Variants in TRAF3 observed in about 807,000 individuals in gnomAD.
The protein encoded by TRAF3 is TNF receptor-associated factor 3.
In TRAF3, 13 loss-of-function variants were observed where a neutral mutation model predicts 62.3. That is an observed-to-expected ratio of 0.21 (90% CI 0.14 to 0.33). The LOEUF (loss-of-function observed/expected upper bound fraction) is 0.33, where lower values mean the gene tolerates loss of function less well. Ranked by LOEUF, TRAF3 falls within the 10% of genes least tolerant of loss-of-function variation. The pLI is 1.00. For synonymous variants in TRAF3, 269 were observed against 283.4 expected, an observed-to-expected ratio of 0.95 and a Z score of 0.51; for missense variants, 440 against 741.8, an observed-to-expected ratio of 0.59 and a Z score of 4.73.
At chr14:102,817,706 G>A (rs569967746) in intron 1 of TRAF3, among the ~76,000 whole-genome samples, 30 of 152,344 alleles carry the variant, frequency 2.0e-4, no homozygotes, top group Non-Finnish European at 4.0e-4. Flanking sequence ...AATACAAAAT[G>A]TAATACTTCA....
intron 9 of TRAF3, among the ~76,000 whole-genome samples, chr14:102,896,723 A>T (rs1385741057): frequency 6.6e-6 from 1 of 152,176 alleles, no homozygotes; most frequent in African/African-American, 2.4e-5. Flanking sequence ...GCCTCACCCT[A>T]ATTACTGGAA....
chr14:102,853,795 G>C (rs897508329), intron 2 of TRAF3, among the ~76,000 whole-genome samples: 1 of 151,186 alleles, frequency 6.6e-6, no homozygotes, highest in Non-Finnish European at 1.5e-5. Flanking sequence ...CCGAGATTGC[G>C]GCACTGTACT....
intron 1 of TRAF3, among the ~76,000 whole-genome samples, chr14:102,822,915 A>C (rs1223604506): frequency 6.6e-6 from 1 of 151,936 alleles, no homozygotes; most frequent in Non-Finnish European, 1.5e-5. Flanking sequence ...CTGAGGCAGG[A>C]GAGTTGCTTG....
intron 5 of TRAF3, 101 bp downstream of exon 5, chr14:102,875,829 T>C: frequency 2.0e-6 from 2 of 1,016,480 alleles, no homozygotes; most frequent in South Asian, 2.6e-5. Flanking sequence ...TTTAAGACCA[T>C]GTTGACATTA....
intron 9 of TRAF3, among the ~76,000 whole-genome samples, chr14:102,895,891 G>A (rs1889982360): frequency 6.6e-6 from 1 of 152,134 alleles, no homozygotes; most frequent in South Asian, 2.1e-4. Flanking sequence ...GTATCCTCAG[G>A]CATCAGCTCT....
chr14:102,801,331 T>C (rs1357072008), intron 1 of TRAF3, among the ~76,000 whole-genome samples: 1 of 152,044 alleles, frequency 6.6e-6, no homozygotes, highest in Non-Finnish European at 1.5e-5. Flanking sequence ...TTATATAATA[T>C]ATAATATATA....
Position 102,876,482 on chromosome 14 carries a change from C to T in TRAF3, c.527C>T (p.Thr176Ile), listed in dbSNP as rs768274199. 1.9e-6 allele frequency: 3 copies of T among 1,614,076 alleles called. No homozygotes were observed. The highest frequency in any genetic ancestry group is 1.1e-5 in the South Asian group (1 of 91,086). ...AAGGCGTGTAAATACCGGGAAGCCA[C>T]ATGCAGCCACTGCAAGAGTCAGGTT... is the stretch of plus-strand genomic sequence containing the variant. ...VEKACKYREA[T>I]CSHCKSQVPM... Residue 176 changes from threonine (T) to isoleucine (I), a missense_variant, in exon 6 of 12, where the codon ACA (threonine) becomes ATA (isoleucine). Around this residue, in one of 6 missense-constraint regions of TRAF3, gnomAD observed 255 missense variants for 424.1 expected, o/e 0.60. Transcript: ENST00000392745.
rs75306563 is a variant in TRAF3, at chr14:102,901,499, C to T, written c.961-1756C>T. ...GGCTTCCGGTGCTCACTAGAGGAGC[C>T]GTGTATTTGGATGTTCAGTGTCGTC... On this transcript the variant is annotated intron_variant, in intron 10 of 11. Transcript: ENST00000392745. Among the ~76,000 whole-genome samples the T allele has an allele frequency of 9.1e-4, 139 of 152,166 alleles. 2 individuals carry two copies. In the East Asian group the frequency reaches 0.025, roughly 27 times the overall value.
chr14:102,876,266 C>T, intron 5 of TRAF3, 92 bp from the exon 6 acceptor site: 1 of 1,423,644 alleles, frequency 7.0e-7, no homozygotes, highest in Non-Finnish European at 9.8e-7. Flanking sequence ...AGAAACATTT[C>T]TTTAGGGTTT....
At chr14:102,877,310 A>T (rs1888745327) in intron 6 of TRAF3, among the ~76,000 whole-genome samples, 1 of 146,432 alleles carries the variant, frequency 6.8e-6, no homozygotes, top group Non-Finnish European at 1.5e-5. Flanking sequence ...CCTTCCGCTC[A>T]GCTCATAGAT....
chr14:102,876,765 C>G (rs976330005), intron 6 of TRAF3: 10 of 535,968 alleles, frequency 1.9e-5, no homozygotes, highest in Non-Finnish European at 3.0e-5. Context: ...TTCCACAGGC[C>G]TTCCGCTCAG....
chr14:102,856,889 G>T (rs1229241088), intron 2 of TRAF3, among the ~76,000 whole-genome samples: 3 of 152,174 alleles, frequency 2.0e-5, no homozygotes, highest in Non-Finnish European at 2.9e-5. Context: ...GCATCAATAT[G>T]GTGAGGGCCA....
intron 7 of TRAF3, 108 bp downstream of exon 7, chr14:102,886,377 T>A: frequency 1.0e-6 from 1 of 971,158 alleles, no homozygotes; most frequent in Non-Finnish European, 1.6e-6. Flanking sequence ...TTCGTGAGAG[T>A]CATGTGTATG....
intron 1 of TRAF3, among the ~76,000 whole-genome samples, chr14:102,790,933 G>T (rs796944491): frequency 9.2e-5 from 14 of 152,122 alleles, no homozygotes; most frequent in African/African-American, 3.4e-4. Context: ...TTAATAGGGA[G>T]GGGATTGATT....
chr14:102,884,929 A>C (rs1889288409), intron 6 of TRAF3, among the ~76,000 whole-genome samples: 1 of 152,198 alleles, frequency 6.6e-6, no homozygotes, highest in Admixed American at 6.5e-5. Flanking sequence ...GTGCGATAGA[A>C]TTGGTGAGGA....
intron 1 of TRAF3, among the ~76,000 whole-genome samples, chr14:102,814,501 G>C (rs2139539712): frequency 6.6e-6 from 1 of 152,184 alleles, no homozygotes; most frequent in South Asian, 2.1e-4. Context: ...GATGGAGATT[G>C]CTCTTTTAAT....
chr14:102,865,563 G>T (rs372737138), intron 2 of TRAF3, among the ~76,000 whole-genome samples: 1 of 148,320 alleles, frequency 6.7e-6, no homozygotes, highest in Admixed American at 6.9e-5. Context: ...GCAGTGGCAC[G>T]ATCTCGGGTC....
intron 3 of TRAF3, among the ~76,000 whole-genome samples, chr14:102,871,311 G>A (rs1173810813): frequency 6.6e-6 from 1 of 152,248 alleles, no homozygotes; most frequent in African/African-American, 2.4e-5. Context: ...TGCCCACTTG[G>A]GGGCAAAATG....
At chr14:102,786,028 T>G (rs1444867808) in intron 1 of TRAF3, among the ~76,000 whole-genome samples, 1 of 152,238 alleles carries the variant, frequency 6.6e-6, no homozygotes, top group African/African-American at 2.4e-5. Context: ...TCTCAAGGGT[T>G]GGCTCACTTC....
Sources: allele counts gnomAD v4.1 joint callset (sites outside exome capture counted in the v4.1 genomes callset), GRCh38; gene constraint gnomAD v4.1.1; regional missense constraint gnomAD v4.1.1; transcripts MANE v1.5; gene names NCBI Gene and HGNC (gene_info 2026-07-23, HGNC 2026-07-21).